Variants in GRM7 observed in about 807,000 individuals in gnomAD.
The protein encoded by GRM7 is metabotropic glutamate receptor 7.
In GRM7, 35 loss-of-function variants were observed where a neutral mutation model predicts 84.5. The ratio of observed to expected loss-of-function variants is 0.41; its 90% CI spans 0.32 to 0.55. The LOEUF is 0.55. GRM7 is among the 20% of genes least tolerant of loss of function. The pLI, the probability that GRM7 is intolerant of heterozygous loss-of-function variation, is 0.19. For missense variants in GRM7, 1,003 were observed against 1,194.6 expected (o/e 0.84, Z 2.36); for synonymous variants, 487 against 455.1 (o/e 1.07, Z -0.89).
chr3:6,964,729 G>A (rs920448225), intron 1 of GRM7, among the ~76,000 whole-genome samples: 16 of 152,090 alleles, frequency 1.1e-4, no homozygotes, highest in African/African-American at 3.6e-4. Flanking sequence ...CATCCATTTT[G>A]ACATATTTGC....
chr3:7,619,720 A>C lies in GRM7; in HGVS notation c.2451+40363A>C, dbSNP rs889283079. Among the ~76,000 whole-genome samples, 5 of 152,222 alleles carry C rather than the reference A, an allele frequency of 3.3e-5. No homozygotes were observed. In the East Asian group the frequency reaches 9.7e-4, roughly 29 times the overall value. The stretch of plus-strand genomic sequence containing the variant: ...AGATTCAGTGTGGGGTGCTTACTGA[A>C]GGCTGACTTAAAGAAACCAATGGAA... On this transcript the variant is annotated intron_variant, in intron 8 of 9. Coordinates refer to ENST00000357716, the MANE Select transcript of GRM7 (RefSeq NM_000844.4).
At chr3:7,038,284 C>T (rs1696455025) in intron 1 of GRM7, among the ~76,000 whole-genome samples, 1 of 152,176 alleles carries the variant, frequency 6.6e-6, no homozygotes, top group South Asian at 2.1e-4. Context: ...AGGGAGGCTC[C>T]AAGGTATTCA....
At chr3:7,087,783 T>C (rs1473269454) in intron 1 of GRM7, among the ~76,000 whole-genome samples, 1 of 152,160 alleles carries the variant, frequency 6.6e-6, no homozygotes, top group East Asian at 1.9e-4. Flanking sequence ...ATCTGTAACA[T>C]ACCAATGATA....
At chr3:7,465,909 A>ATGTCTCATGTACCCTCACTACACTC (rs1698443798) in intron 7 of GRM7, among the ~76,000 whole-genome samples, 1 of 152,062 alleles carries the variant, frequency 6.6e-6, no homozygotes, top group Non-Finnish European at 1.5e-5. Flanking sequence ...CTGCGGTAAA[A>ATGTCTCATGTACCCTCACTACACTC]TGTCTCATGT....
chr3:6,864,038 A>C (rs1694856493), intron 1 of GRM7, among the ~76,000 whole-genome samples: 1 of 152,158 alleles, frequency 6.6e-6, no homozygotes, highest in Non-Finnish European at 1.5e-5. Flanking sequence ...CCTGACACTA[A>C]TTTCTCCATT....
intron 9 of GRM7, among the ~76,000 whole-genome samples, chr3:7,706,279 A>G (rs1701383997): frequency 6.6e-6 from 1 of 152,208 alleles, no homozygotes; most frequent in Non-Finnish European, 1.5e-5. Flanking sequence ...TCTCCAATAC[A>G]CAAGGCCAAT....
At chr3:7,527,280 G>A (rs1467145591) in intron 7 of GRM7, among the ~76,000 whole-genome samples, 1 of 151,792 alleles carries the variant, frequency 6.6e-6, no homozygotes, top group Non-Finnish European at 1.5e-5. Flanking sequence ...TTATTCTTTT[G>A]TGGCTATTGT....
At chr3:7,584,429 C>T (rs1013405242) in intron 8 of GRM7, among the ~76,000 whole-genome samples, 4 of 152,122 alleles carry the variant, frequency 2.6e-5, no homozygotes, top group South Asian at 2.1e-4. Context: ...TAATGCAATG[C>T]CACCACCCTC....
At chr3:7,591,209 C>A (rs1695765031) in intron 8 of GRM7, among the ~76,000 whole-genome samples, 1 of 152,082 alleles carries the variant, frequency 6.6e-6, no homozygotes, top group African/African-American at 2.4e-5. Context: ...AGCTAATAGT[C>A]AAGGATGACC....
intron 7 of GRM7, among the ~76,000 whole-genome samples, chr3:7,488,334 G>T (rs905080905): frequency 6.6e-6 from 1 of 152,094 alleles, no homozygotes; most frequent in African/African-American, 2.4e-5. Flanking sequence ...AGGGCAAGGG[G>T]CAGAATGCAA....
intron 9 of GRM7, among the ~76,000 whole-genome samples, chr3:7,687,207 G>A (rs1186192698): frequency 1.3e-5 from 2 of 152,152 alleles, no homozygotes; most frequent in African/African-American, 4.8e-5. Flanking sequence ...TGCCAAAGGT[G>A]TTCAAATAAA....
intron 2 of GRM7, among the ~76,000 whole-genome samples, chr3:7,211,032 A>G (rs1295987492): frequency 1.3e-5 from 2 of 152,220 alleles, no homozygotes; most frequent in African/African-American, 2.4e-5. Context: ...AGGCAACTCC[A>G]TAAATAAATA....
intron 4 of GRM7, among the ~76,000 whole-genome samples, chr3:7,401,577 A>C (rs1339053315): frequency 6.6e-6 from 1 of 151,992 alleles, no homozygotes; most frequent in East Asian, 1.9e-4. Flanking sequence ...CTGCAACACC[A>C]ATTACCTAGA....
intron 7 of GRM7, among the ~76,000 whole-genome samples, chr3:7,563,734 C>G (rs1448702373): frequency 6.6e-6 from 1 of 152,136 alleles, no homozygotes; most frequent in East Asian, 1.9e-4. Context: ...CATGAACAAT[C>G]AAATGAAAAG....
chr3:7,256,812 T>A (rs1335938321), intron 2 of GRM7, among the ~76,000 whole-genome samples: 2 of 152,166 alleles, frequency 1.3e-5, no homozygotes, highest in Non-Finnish European at 2.9e-5. Flanking sequence ...GATAGTTTAA[T>A]AAAGAAGCTG....
chr3:7,013,424 A>G (rs1375903655), intron 1 of GRM7, among the ~76,000 whole-genome samples: 1 of 152,098 alleles, frequency 6.6e-6, no homozygotes, highest in African/African-American at 2.4e-5. Flanking sequence ...ATATCATATT[A>G]TTTTATCCAT....
At chr3:7,287,415 C>T (rs1241349558) in intron 2 of GRM7, among the ~76,000 whole-genome samples, 1 of 152,170 alleles carries the variant, frequency 6.6e-6, no homozygotes, top group Non-Finnish European at 1.5e-5. Context: ...TCAATGAACT[C>T]TTTGCCCTCT....
chr3:6,961,333 A>G (rs1490934388), intron 1 of GRM7, among the ~76,000 whole-genome samples: 1 of 151,890 alleles, frequency 6.6e-6, no homozygotes, highest in Non-Finnish European at 1.5e-5. Context: ...TTTAACTGCT[A>G]CTCTTCTTGT....
chr3:7,553,447 C>A (rs1693594170), intron 7 of GRM7, among the ~76,000 whole-genome samples: 1 of 152,168 alleles, frequency 6.6e-6, no homozygotes, highest in Admixed American at 6.5e-5. Flanking sequence ...AGCAGCACCC[C>A]ATTCCTGGTA....
Sources: gnomAD v4.1 joint callset for allele counts (sites outside exome capture counted in the v4.1 genomes callset) on GRCh38, gnomAD v4.1.1 for gene constraint, MANE v1.5 for transcripts, NCBI Gene and HGNC (gene_info 2026-07-23, HGNC 2026-07-21) for gene names.